The following BCL11A variants were observed in gnomAD, a reference collection of about 807,000 sequenced individuals.
BCL11A encodes BCL11 transcription factor A.
A neutral mutation model predicts 55.9 loss-of-function variants in BCL11A; 2 were observed. That is an observed-to-expected ratio of 0.04 (90% CI 0.01 to 0.11). BCL11A has a LOEUF of 0.11. BCL11A is among the 10% of genes least tolerant of loss of function. The probability of loss-of-function intolerance (pLI) is 1.00; values close to 1 mark genes in which losing one functional copy is unlikely to be tolerated. For synonymous variants in BCL11A, 465 were observed against 473.4 expected (o/e 0.98, Z 0.23); for missense variants, 817 against 1,137.1 (o/e 0.72, Z 4.05).
chr2:60,452,475 G>A, downstream of BCL11A: 2 of 983,274 alleles, frequency 2.0e-6, no homozygotes, highest in Non-Finnish European at 3.2e-6. Context: ...CTTCTTGGAG[G>A]CTACTGTCAG....
chr2:60,504,535 C>T (rs374434214), intron 2 of BCL11A, among the ~76,000 whole-genome samples: 56 of 152,242 alleles, frequency 3.7e-4, no homozygotes, highest in African/African-American at 1.2e-3. Context: ...AGCTCAGCAT[C>T]GGGACACCCA....
intron 2 of BCL11A, chr2:60,499,763 G>C (rs937061032): frequency 1.3e-5 from 2 of 152,450 alleles, no homozygotes; most frequent in African/African-American, 2.4e-5. Context: ...ACAGCTCTGG[G>C]CAGCACCTGG....
At chr2:60,533,693 G>A (rs1359558280) in intron 2 of BCL11A, 1 of 152,198 alleles carries the variant, frequency 6.6e-6, no homozygotes, top group Non-Finnish European at 1.5e-5. Flanking sequence ...CAAAGGCTGT[G>A]AAGTCGGAGA....
intron 2 of BCL11A, among the ~76,000 whole-genome samples, chr2:60,480,411 A>T (rs1195816793): frequency 2.0e-5 from 3 of 152,242 alleles, no homozygotes; most frequent in Admixed American, 6.5e-5. Context: ...ATAAATAATT[A>T]GGATTCAAGC....
chr2:60,467,645 GTGGTGATGATGGTGATGGTAC>G (rs1676841655), intron 3 of BCL11A, among the ~76,000 whole-genome samples: 1 of 96,818 alleles, frequency 1.0e-5, no homozygotes, highest in Non-Finnish European at 2.2e-5. Context: ...GGTGGTGATG[GTGGTGATGATGGTGATGGTAC>G]TGGTGGTGAT....
At chr2:60,504,314 C>G (rs1402459096) in intron 2 of BCL11A, among the ~76,000 whole-genome samples, 1 of 152,156 alleles carries the variant, frequency 6.6e-6, no homozygotes, top group Admixed American at 6.5e-5. Flanking sequence ...CTGGGTCCAC[C>G]CTTCCTTTCT....
chr2:60,518,765 G>A (rs556206676), intron 2 of BCL11A, among the ~76,000 whole-genome samples: 13 of 152,274 alleles, frequency 8.5e-5, no homozygotes, highest in African/African-American at 3.1e-4. Context: ...CATTCCTGGG[G>A]GCCGGGCGTG....
At chr2:60,544,128 T>C (rs960486013) in intron 2 of BCL11A, 7 of 152,212 alleles carry the variant, frequency 4.6e-5, no homozygotes, top group Admixed American at 6.5e-5. Flanking sequence ...AATAACCTAT[T>C]TGGGACCTCA....
intron 2 of BCL11A, among the ~76,000 whole-genome samples, chr2:60,538,913 G>C (rs563096540): frequency 2.0e-5 from 3 of 152,282 alleles, no homozygotes; most frequent in African/African-American, 7.2e-5. Context: ...TCAAACGCCT[G>C]TAATTAACCA....
At chr2:60,501,499 C>T (rs1012197985) in intron 2 of BCL11A, among the ~76,000 whole-genome samples, 1 of 149,340 alleles carries the variant, frequency 6.7e-6, no homozygotes, top group Non-Finnish European at 1.5e-5. Flanking sequence ...GTACTGACAC[C>T]GCTTTCTTTT....
In BCL11A at chr2:60,460,211, A is replaced by G. The variant is rs1676174738; in HGVS notation, c.*193T>C. ...AAAAGAAAAAAGAAAAAGAAAAAGA[A>G]AAAAAACAGGTGTGCTGGTGACAAG... On this transcript the variant is annotated 3_prime_UTR_variant, in exon 4 of 4. Coordinates refer to ENST00000642384, the MANE Select transcript of BCL11A (RefSeq NM_022893.4). 3.1e-6 allele frequency: 4 copies of G among 1,310,444 alleles called. No homozygotes were observed. The highest frequency in any genetic ancestry group is 1.5e-5 in the African/African-American group (1 of 64,950). 81.2% of individuals were successfully genotyped at this position (1,310,444 alleles called of 1,614,324 possible).
chr2:60,467,205 CGGTGATGGTACT>C (rs1405842510), intron 3 of BCL11A, among the ~76,000 whole-genome samples: 2 of 22,464 alleles, frequency 8.9e-5, no homozygotes, highest in Non-Finnish European at 1.9e-4. Flanking sequence ...GTGGTGATGG[CGGTGATGGTACT>C]GGTGATGGTG....
intron 1 of BCL11A, among the ~76,000 whole-genome samples, chr2:60,548,952 A>C (rs1261343708): frequency 1.3e-5 from 2 of 152,152 alleles, no homozygotes; most frequent in Non-Finnish European, 2.9e-5. Flanking sequence ...TTTCCCTAAA[A>C]ACCTTCCTAA....
At chr2:60,502,487 C>G (rs1679347405) in intron 2 of BCL11A, among the ~76,000 whole-genome samples, 1 of 152,236 alleles carries the variant, frequency 6.6e-6, no homozygotes, top group African/African-American at 2.4e-5. Flanking sequence ...TCTGCCATCA[C>G]ACACTTTGTA....
intron 1 of BCL11A, among the ~76,000 whole-genome samples, chr2:60,550,094 G>C (rs1242111493): frequency 2.0e-5 from 3 of 152,042 alleles, no homozygotes; most frequent in African/African-American, 7.2e-5. Context: ...GTGAGGGGGT[G>C]GAAGAAGTGA....
chr2:60,452,785 C>A, downstream of BCL11A: 1 of 719,602 alleles, frequency 1.4e-6, no homozygotes, highest in Non-Finnish European at 2.3e-6. Context: ...AACCACAGGT[C>A]GAGCCACTGG....
intron 2 of BCL11A, among the ~76,000 whole-genome samples, chr2:60,504,421 TC>T (rs1281962236): frequency 2.0e-5 from 3 of 152,282 alleles, no homozygotes; most frequent in African/African-American, 7.2e-5. Context: ...TGAACCTTCC[TC>T]CTGGCCAGCC....
chr2:60,487,542 T>A (rs986418628), intron 2 of BCL11A, among the ~76,000 whole-genome samples: 2 of 152,162 alleles, frequency 1.3e-5, no homozygotes, highest in Admixed American at 1.3e-4. Flanking sequence ...CAGATTCAGA[T>A]TAAGGGAAAA....
chr2:60,460,596 G>A lies in BCL11A; in HGVS notation c.2316C>T (p.Cys772=). ...GGGCACAGGCATAGTTGCACAGCTC[G>A]CATTTATAAGGCCTTTCGCCCGTGT... ...RSHTGERPYK[C]ELCNYACAQS... The change falls in exon 4 of 4, where the codon TGC becomes TGT. Residue 772 remains cysteine (C), a synonymous_variant. Coordinates refer to ENST00000642384, the MANE Select transcript of BCL11A (RefSeq NM_022893.4). 1 of 1,614,140 alleles carries A rather than the reference G, an allele frequency of 6.2e-7. No individual in the cohort carries two copies. Among genetic ancestry groups the A allele is most frequent in the Non-Finnish European group, 8.5e-7 (1 of 1,180,042 alleles).
Sources: allele counts gnomAD v4.1 joint callset (sites outside exome capture counted in the v4.1 genomes callset), GRCh38; gene constraint gnomAD v4.1.1; transcripts MANE v1.5; gene names NCBI Gene and HGNC (gene_info 2026-07-23, HGNC 2026-07-21).